SORCS1: variants seen among roughly 807,000 people sequenced by gnomAD.
SORCS1 encodes the protein VPS10 domain-containing receptor SorCS1.
Under a neutral mutation model 146.1 loss-of-function variants are expected in SORCS1, and 60 were observed. The ratio of observed to expected loss-of-function variants is 0.41; its 90% CI spans 0.33 to 0.51. The LOEUF (loss-of-function observed/expected upper bound fraction) is 0.51. Ranked by LOEUF, SORCS1 falls within the 20% of genes least tolerant of loss-of-function variation. SORCS1 has a pLI of 0.21. For synonymous variants in SORCS1, 637 were observed against 584.0 expected, an observed-to-expected ratio of 1.09 and a Z score of -1.31; for missense variants, 1,352 against 1,487.6, an observed-to-expected ratio of 0.91 and a Z score of 1.50.
intron 5 of SORCS1, among the ~76,000 whole-genome samples, chr10:106,759,318 T>C (rs139131323): frequency 3.1e-4 from 47 of 152,322 alleles, no homozygotes; most frequent in African/African-American, 1.1e-3. Flanking sequence ...AAAAGGTCAC[T>C]GTCACAGTGA....
At chr10:107,038,406 G>GAGGGA (rs1554927763) in intron 1 of SORCS1, among the ~76,000 whole-genome samples, 8 of 131,556 alleles carry the variant, frequency 6.1e-5, no homozygotes, top group Admixed American at 4.7e-4. Flanking sequence ...TGGGTGGGGG[G>GAGGGA]GGAGAGACAG....
At chr10:106,793,188 A>G (rs993919816) in intron 3 of SORCS1, among the ~76,000 whole-genome samples, 4 of 152,136 alleles carry the variant, frequency 2.6e-5, no homozygotes, top group Non-Finnish European at 5.9e-5. Context: ...TTTTTTTCCT[A>G]TTGCTGGAAT....
At chr10:106,951,528 A>AAT (rs1344709715) in intron 2 of SORCS1, among the ~76,000 whole-genome samples, 9 of 151,804 alleles carry the variant, frequency 5.9e-5, no homozygotes, top group Non-Finnish European at 1.3e-4. Context: ...AAAAAAAAAA[A>AAT]AACGGAACAC....
intron 1 of SORCS1, among the ~76,000 whole-genome samples, chr10:107,086,621 A>G (rs1164179617): frequency 6.6e-6 from 1 of 152,168 alleles, no homozygotes; most frequent in Non-Finnish European, 1.5e-5. Context: ...CTCTTTTTTT[A>G]AAGCAATTGG....
intron 24 of SORCS1, among the ~76,000 whole-genome samples, chr10:106,588,550 C>T (rs1448780548): frequency 6.6e-6 from 1 of 152,016 alleles, no homozygotes; most frequent in Non-Finnish European, 1.5e-5. Context: ...GCATCATTAG[C>T]AGAAACTTGC....
chr10:106,650,235 C>A (rs1849757291), intron 18 of SORCS1, among the ~76,000 whole-genome samples: 1 of 152,174 alleles, frequency 6.6e-6, no homozygotes, highest in South Asian at 2.1e-4. Context: ...TGAAGAGAGT[C>A]ACTCTAATCG....
At chr10:106,783,079 T>C (rs1348518095) in intron 3 of SORCS1, among the ~76,000 whole-genome samples, 1 of 152,154 alleles carries the variant, frequency 6.6e-6, no homozygotes, top group Non-Finnish European at 1.5e-5. Flanking sequence ...TCTGCTATTA[T>C]CAGTTGTGCC....
intron 1 of SORCS1, among the ~76,000 whole-genome samples, chr10:106,991,986 G>A (rs1014156079): frequency 2.6e-5 from 4 of 152,120 alleles, no homozygotes; most frequent in African/African-American, 4.8e-5. Context: ...TGAAAAAGAC[G>A]AAATATTTTA....
chr10:106,880,324 TA>T (rs1292398227), intron 2 of SORCS1, among the ~76,000 whole-genome samples: 3 of 152,212 alleles, frequency 2.0e-5, no homozygotes, highest in Non-Finnish European at 4.4e-5. Context: ...GCTTTGGTGC[TA>T]AAAAACTATA....
At chr10:107,006,202 A>G (rs74154819) in intron 1 of SORCS1, among the ~76,000 whole-genome samples, 3,100 of 152,270 alleles carry the variant, frequency 0.02, 100 homozygotes, top group African/African-American at 0.068. Flanking sequence ...TGGTAGAACA[A>G]TGCAGCAGGA....
intron 3 of SORCS1, among the ~76,000 whole-genome samples, chr10:106,812,906 A>G (rs1947542940): frequency 1.3e-5 from 2 of 152,168 alleles, no homozygotes; most frequent in South Asian, 2.1e-4. Context: ...AGCCCATGAA[A>G]AAAGCTGTAC....
At chr10:106,876,994 G>C (rs1198628894) in intron 2 of SORCS1, among the ~76,000 whole-genome samples, 3 of 152,100 alleles carry the variant, frequency 2.0e-5, no homozygotes, top group African/African-American at 7.2e-5. Flanking sequence ...TTTGTAAAGT[G>C]CCTAGCATAA....
chr10:107,001,955 A>AT (rs1343295326), intron 1 of SORCS1, among the ~76,000 whole-genome samples: 4 of 152,322 alleles, frequency 2.6e-5, no homozygotes, highest in African/African-American at 7.2e-5. Context: ...TTCTTCATAT[A>AT]TTTTCCTTTC....
intron 3 of SORCS1, among the ~76,000 whole-genome samples, chr10:106,798,852 C>CT (rs71025554): frequency 0.3 from 45,806 of 152,054 alleles, 7,672 homozygotes; most frequent in Non-Finnish European, 0.38. Context: ...CTACCAATGA[C>CT]TTTTTTCACT....
chr10:106,797,143 T>C (rs1946609191), intron 3 of SORCS1, among the ~76,000 whole-genome samples: 1 of 152,040 alleles, frequency 6.6e-6, no homozygotes, highest in African/African-American at 2.4e-5. Context: ...AGAATGTACC[T>C]TTCTCAGACA....
intron 1 of SORCS1, among the ~76,000 whole-genome samples, chr10:107,144,205 C>T (rs1440697828): frequency 6.6e-6 from 1 of 152,162 alleles, no homozygotes; most frequent in Non-Finnish European, 1.5e-5. Flanking sequence ...CCTCACCTTA[C>T]TCCACTCCCA....
chr10:106,956,647 C>G (rs1224138939), intron 1 of SORCS1, 67 bp from the exon 2 acceptor site: 1 of 1,356,182 alleles, frequency 7.4e-7, no homozygotes, highest in African/African-American at 1.4e-5. Context: ...TGAAATGGCC[C>G]AAGGGAGGGC....
intron 1 of SORCS1, among the ~76,000 whole-genome samples, chr10:106,989,918 C>T (rs570712319): frequency 6.6e-6 from 1 of 152,086 alleles, no homozygotes; most frequent in South Asian, 2.1e-4. Flanking sequence ...AATCTCATGA[C>T]CTCGAGATCC....
At chr10:106,618,452 A>G (rs1847523764) in intron 20 of SORCS1, among the ~76,000 whole-genome samples, 180 bp from the exon 21 acceptor site, 1 of 152,152 alleles carries the variant, frequency 6.6e-6, no homozygotes, top group Non-Finnish European at 1.5e-5. Context: ...AAAAGAGGCT[A>G]TTGGAGCAAT....
Sources: gnomAD v4.1 joint callset for allele counts (sites outside exome capture counted in the v4.1 genomes callset) on GRCh38, gnomAD v4.1.1 for gene constraint, MANE v1.5 for transcripts, NCBI Gene and HGNC (gene_info 2026-07-23, HGNC 2026-07-21) for gene names.